The following PLPPR1 variants were observed in gnomAD, a reference collection of about 807,000 sequenced individuals.
PLPPR1 encodes the protein phospholipid phosphatase-related protein type 1.
Under a neutral mutation model 33.1 loss-of-function variants are expected in PLPPR1, and 10 were observed. That is an observed-to-expected ratio of 0.30 (90% confidence interval 0.19 to 0.51). PLPPR1 has a LOEUF of 0.51. Among genes scored for constraint, PLPPR1 ranks in the 20% least tolerant of loss-of-function variants. The pLI is 0.97. For missense variants in PLPPR1, 304 were observed against 408.1 expected (o/e 0.74, Z 2.20); for synonymous variants, 151 against 151.0 (o/e 1.00, Z 0.00).
intron 3 of PLPPR1, among the ~76,000 whole-genome samples, chr9:101,272,301 G>A (rs112078635): frequency 2.1e-3 from 312 of 152,164 alleles, no homozygotes; most frequent in African/African-American, 7.1e-3. Flanking sequence ...AAACATTTGA[G>A]GAATAAGAAA....
intron 2 of PLPPR1, among the ~76,000 whole-genome samples, chr9:101,254,373 C>T (rs1000874614): frequency 2.0e-5 from 3 of 152,032 alleles, no homozygotes; most frequent in Non-Finnish European, 2.9e-5. Context: ...GGTTCATGCT[C>T]CTATGAGAAT....
chr9:101,200,875 A>G (rs144492548), intron 2 of PLPPR1, among the ~76,000 whole-genome samples: 15 of 152,212 alleles, frequency 9.9e-5, no homozygotes, highest in African/African-American at 2.7e-4. Flanking sequence ...GAAAAAAAGT[A>G]AAGACTCATT....
intron 1 of PLPPR1, among the ~76,000 whole-genome samples, chr9:101,157,856 T>C (rs1831716621): frequency 6.6e-6 from 1 of 151,910 alleles, no homozygotes; most frequent in African/African-American, 2.4e-5. Context: ...AATTAAAAAT[T>C]AGCTGGGCCT....
chr9:101,102,177 G>T (rs1830912142), intron 1 of PLPPR1, among the ~76,000 whole-genome samples: 1 of 122,488 alleles, frequency 8.2e-6, no homozygotes, highest in Admixed American at 8.2e-5. Flanking sequence ...TAAGTTTTAG[G>T]GTACATGTGC....
At chr9:101,031,690 G>T (rs561546587) in intron 1 of PLPPR1, among the ~76,000 whole-genome samples, 2 of 152,312 alleles carry the variant, frequency 1.3e-5, no homozygotes, top group South Asian at 4.1e-4. Context: ...AATAGTACAG[G>T]CATGAAAGTG....
At chr9:101,154,520 A>G (rs1277315731) in intron 1 of PLPPR1, among the ~76,000 whole-genome samples, 1 of 152,140 alleles carries the variant, frequency 6.6e-6, no homozygotes, top group Non-Finnish European at 1.5e-5. Flanking sequence ...ATATTCTCTG[A>G]TGGTAGTCTG....
At chr9:101,092,633 C>T (rs1427657244) in intron 1 of PLPPR1, among the ~76,000 whole-genome samples, 1 of 152,140 alleles carries the variant, frequency 6.6e-6, no homozygotes, top group Non-Finnish European at 1.5e-5. Context: ...CACCCTGCGT[C>T]CTGTCTCTGA....
chr9:101,197,416 TC>T (rs1826417510), intron 2 of PLPPR1, among the ~76,000 whole-genome samples: 1 of 152,172 alleles, frequency 6.6e-6, no homozygotes, highest in South Asian at 2.1e-4. Context: ...TCCATGTCTT[TC>T]CTACTATCAT....
chr9:101,160,921 G>A (rs1831764483), intron 1 of PLPPR1, among the ~76,000 whole-genome samples: 1 of 152,106 alleles, frequency 6.6e-6, no homozygotes, highest in Non-Finnish European at 1.5e-5. Context: ...ATGGTTGACT[G>A]GATATAAAAC....
chr9:101,146,529 CCTT>C (rs1263813203), intron 1 of PLPPR1, among the ~76,000 whole-genome samples: 1 of 152,208 alleles, frequency 6.6e-6, no homozygotes, highest in Non-Finnish European at 1.5e-5. Context: ...CATGTCCTGT[CCTT>C]CTTTTGGATT....
rs749146107 is a variant in PLPPR1 at position 101,185,560 on chromosome 9, A to T, written c.63+3A>T. 4 of 1,597,452 alleles carry T rather than the reference A, an allele frequency of 2.5e-6. No individual in the cohort carries two copies. Among genetic ancestry groups the T allele is most frequent in the South Asian group, 1.1e-5 (1 of 90,106 alleles). On this transcript the variant is annotated splice_donor_region_variant and intron_variant, in intron 2 of 7. Coordinates refer to ENST00000374874, the MANE Select transcript of PLPPR1 (RefSeq NM_207299.2). ...TCCCGTGTTTTATATTTGTTGAGGT[A>T]TGTGTATTTTTTAACCTTTATGGAC...
At chr9:101,174,260 G>T (rs969067209) in intron 1 of PLPPR1, among the ~76,000 whole-genome samples, 1 of 152,176 alleles carries the variant, frequency 6.6e-6, no homozygotes, top group Non-Finnish European at 1.5e-5. Context: ...TGGGCTTGTT[G>T]TTGCCTAGCT....
chr9:101,056,811 A>T (rs1830283306), intron 1 of PLPPR1, among the ~76,000 whole-genome samples: 1 of 152,120 alleles, frequency 6.6e-6, no homozygotes, highest in African/African-American at 2.4e-5. Context: ...GGAGATTGTG[A>T]TCATGTCAGT....
intron 1 of PLPPR1, among the ~76,000 whole-genome samples, chr9:101,041,113 G>A (rs1830073065): frequency 6.6e-6 from 1 of 152,174 alleles, no homozygotes; most frequent in East Asian, 1.9e-4. Context: ...CTCTTAATGA[G>A]GCAGAGGTGT....
intron 1 of PLPPR1, among the ~76,000 whole-genome samples, chr9:101,134,198 C>A (rs1831350075): frequency 6.6e-6 from 1 of 152,078 alleles, no homozygotes; most frequent in African/African-American, 2.4e-5. Flanking sequence ...GCCTTCAAGC[C>A]AAACTGACTA....
chr9:101,167,184 C>G (rs867320694), intron 1 of PLPPR1, among the ~76,000 whole-genome samples: 1,564 of 20,086 alleles, frequency 0.078, no homozygotes, highest in Middle Eastern at 0.15. Context: ...GTGTGTGTGT[C>G]TTTCTCTCTC....
intron 1 of PLPPR1, among the ~76,000 whole-genome samples, chr9:101,162,772 T>C (rs1825786107): frequency 6.6e-6 from 1 of 152,224 alleles, no homozygotes; most frequent in Non-Finnish European, 1.5e-5. Context: ...TGGGTTTTTA[T>C]GTTCTTGGTT....
chr9:101,156,571 A>G (rs996278414), intron 1 of PLPPR1, among the ~76,000 whole-genome samples: 13 of 95,942 alleles, frequency 1.4e-4, no homozygotes, highest in African/African-American at 4.1e-4. Context: ...AAAAAAAAAA[A>G]AAGAAAGAAA....
intron 1 of PLPPR1, among the ~76,000 whole-genome samples, chr9:101,061,383 TTG>T (rs143423408): frequency 3.3e-5 from 5 of 151,418 alleles, no homozygotes; most frequent in Non-Finnish European, 5.9e-5. Context: ...GCTCTGCAGT[TTG>T]TGTGTGTGTG....
Sources: gnomAD v4.1 joint callset for allele counts (sites outside exome capture counted in the v4.1 genomes callset) on GRCh38, gnomAD v4.1.1 for gene constraint, MANE v1.5 for transcripts, NCBI Gene and HGNC (gene_info 2026-07-23, HGNC 2026-07-21) for gene names.